Variants in MACROD1 observed in about 807,000 individuals in gnomAD.
MACROD1 encodes the protein mono-ADP ribosylhydrolase 1.
A neutral mutation model predicts 41.4 loss-of-function variants in MACROD1; 31 were observed. That is an observed-to-expected ratio of 0.75 (90% CI 0.56 to 1.01). The LOEUF (loss-of-function observed/expected upper bound fraction) is 1.01, where lower values mean the gene tolerates loss of function less well. Ranked by LOEUF, MACROD1 falls within the 50% of genes least tolerant of loss-of-function variation. The probability of loss-of-function intolerance (pLI) is 0.00; values close to 1 mark genes in which losing one functional copy is unlikely to be tolerated. For missense variants in MACROD1, 473 were observed against 460.0 expected, an observed-to-expected ratio of 1.03 and a Z score of -0.26; for synonymous variants, 252 against 203.4, an observed-to-expected ratio of 1.24 and a Z score of -2.03.
intron 3 of MACROD1, among the ~76,000 whole-genome samples, chr11:64,135,217 C>T (rs1283929200): frequency 6.6e-6 from 1 of 152,260 alleles, no homozygotes; most frequent in Non-Finnish European, 1.5e-5. Flanking sequence ...TGACTCTCGC[C>T]ATCCCAGGTC....
At chr11:64,157,931 C>T (rs941608360) in intron 1 of MACROD1, among the ~76,000 whole-genome samples, 9 of 152,136 alleles carry the variant, frequency 5.9e-5, no homozygotes, top group Non-Finnish European at 1.0e-4. Flanking sequence ...GCCCACAGCT[C>T]GAGCAAAAGG....
intron 1 of MACROD1, among the ~76,000 whole-genome samples, chr11:64,155,101 C>T (rs769619190): frequency 2.6e-5 from 4 of 152,188 alleles, no homozygotes; most frequent in Non-Finnish European, 4.4e-5. Flanking sequence ...CCACCTGGCA[C>T]GGTGTGTGGG....
chr11:64,120,771 G>A lies in MACROD1; in HGVS notation c.517+30468C>T, dbSNP rs549671407. ...GGCCCACCTGGGATGTCTGGGAGGAGAGCGTGCCCGAGGTGTGCCACGTTG... is the reference window on the plus strand; with the variant it reads ...GGCCCACCTGGGATGTCTGGGAGGAAAGCGTGCCCGAGGTGTGCCACGTTG... On this transcript the variant is annotated intron_variant, in intron 3 of 10. Coordinates refer to ENST00000255681, the MANE Select transcript of MACROD1 (RefSeq NM_014067.4). The surrounding 1 kb of genome is among the most constrained non-coding windows in gnomAD (Gnocchi z 4.5). Among the ~76,000 whole-genome samples, 13 of 152,146 alleles carry A rather than the reference G, an allele frequency of 8.5e-5. No homozygotes were observed. The highest frequency in any genetic ancestry group is 1.2e-4 in the Non-Finnish European group (8 of 68,010).
At chr11:64,093,246 A>C (rs12286180) in intron 3 of MACROD1, among the ~76,000 whole-genome samples, 29,948 of 152,188 alleles carry the variant, frequency 0.2, 3,965 homozygotes, top group African/African-American at 0.33. Context: ...TATTATTATT[A>C]TCCACATCAA....
chr11:64,080,891 C>T (rs1944290852), intron 3 of MACROD1, among the ~76,000 whole-genome samples: 1 of 152,180 alleles, frequency 6.6e-6, no homozygotes, highest in South Asian at 2.1e-4. Context: ...GCACTGAGGA[C>T]TCGGGCTGCA....
Position 64,143,801 on chromosome 11 carries a change from C to CACACAA in MACROD1, c.517+7437_517+7438insTTGTGT, listed in dbSNP as rs762084927. Among the ~76,000 whole-genome samples, 382 of 144,950 alleles carry CACACAA rather than the reference C, an allele frequency of 2.6e-3. 1 individual carries two copies. The highest frequency in any genetic ancestry group is 3.9e-3 in the Non-Finnish European group (255 of 64,880). On this transcript the variant is annotated intron_variant, in intron 3 of 10. Transcript: ENST00000255681. ...ACACACACACACACACACACACACA[C>CACACAA]AATTTCCTGGGGGCTCTGGAGCTCG...
In MACROD1 at chr11:64,151,269, TG is replaced by T; in HGVS notation, c.486del (p.Lys163SerfsTer86). On this transcript the variant is annotated frameshift_variant, in exon 3 of 11. Coordinates refer to ENST00000255681, the MANE Select transcript of MACROD1 (RefSeq NM_014067.4). LOFTEE classifies it high-confidence loss of function. ...TTGACGATGGCGTCCACCTCCAGCTTGGTGATGTCGCTGCGGAGCAGGGAGA... is the reference window on the plus strand; with the variant it reads ...TTGACGATGGCGTCCACCTCCAGCTTGTGATGTCGCTGCGGAGCAGGGAGA... Reference protein sequence around the residue: ...EKISLLRSDITKLEVDAIVNA... With the variant: ...EKISLLRSDIXKLEVDAIVNA... 1.2e-6 allele frequency: 2 copies of T among 1,613,864 alleles called. No homozygotes were observed. Among genetic ancestry groups the T allele is most frequent in the Non-Finnish European group, 1.7e-6 (2 of 1,180,012 alleles).
intron 3 of MACROD1, among the ~76,000 whole-genome samples, chr11:64,075,879 GGTCA>G (rs1007558804): frequency 1.3e-5 from 2 of 152,162 alleles, no homozygotes; most frequent in South Asian, 4.1e-4. Context: ...TCACCATGTT[GGTCA>G]GGCTGGTCTC....
At chr11:64,073,057 C>CGGCA (rs1325754602) in intron 3 of MACROD1, among the ~76,000 whole-genome samples, 1 of 152,196 alleles carries the variant, frequency 6.6e-6, no homozygotes, top group African/African-American at 2.4e-5. Context: ...CAGCTCCTGA[C>CGGCA]GGCACAGAGC....
chr11:64,069,042 G>A (rs1944056987), intron 3 of MACROD1, among the ~76,000 whole-genome samples: 1 of 152,194 alleles, frequency 6.6e-6, no homozygotes, highest in Non-Finnish European at 1.5e-5. Flanking sequence ...GATTCCTCCG[G>A]GGGCAGTGGC....
rs1945840244 is a variant in MACROD1, at chr11:64,166,034, CTATT to C, written c.-44_-41del. The C allele has an allele frequency of 2.4e-6, 3 of 1,246,512 alleles. No homozygotes were observed. Among genetic ancestry groups the C allele is most frequent in the South Asian group, 7.2e-5 (2 of 27,794 alleles). The allele number at this position is 1,246,512 out of a possible 1,614,324, so 77.2% of individuals were successfully genotyped here. ...GGACGGCTCTCCGCCCACTTGGACTCTATTTACGGCGCTCGGGAGTGTCTCTCCC... is the reference window on the plus strand; with the variant it reads ...GGACGGCTCTCCGCCCACTTGGACTCTACGGCGCTCGGGAGTGTCTCTCCC... On this transcript the variant is annotated 5_prime_UTR_variant, in exon 1 of 11. Transcript: ENST00000255681.
At chr11:64,155,117 G>T (rs145143487) in intron 1 of MACROD1, among the ~76,000 whole-genome samples, 1 of 152,364 alleles carries the variant, frequency 6.6e-6, no homozygotes, top group East Asian at 1.9e-4. Flanking sequence ...GTGGGCACCT[G>T]AGGGTGCCTG....
intron 3 of MACROD1, chr11:64,138,428 A>T: frequency 1.2e-6 from 1 of 809,620 alleles, no homozygotes; most frequent in Non-Finnish European, 1.5e-6. Flanking sequence ...CACAAATGTC[A>T]ATTCTGGGCC....
At chr11:64,035,622 G>A (rs1202133516) in intron 3 of MACROD1, among the ~76,000 whole-genome samples, 4 of 149,424 alleles carry the variant, frequency 2.7e-5, no homozygotes, top group Admixed American at 1.3e-4. Flanking sequence ...GGGCGCGGAG[G>A]CCGCTTCTCC....
intron 3 of MACROD1, among the ~76,000 whole-genome samples, chr11:64,127,606 C>T (rs1181308332): frequency 2.0e-5 from 3 of 152,258 alleles, no homozygotes; most frequent in Non-Finnish European, 4.4e-5. Context: ...CACCCACAGG[C>T]CCCAGAGGTC....
intron 3 of MACROD1, among the ~76,000 whole-genome samples, chr11:64,030,763 G>C (rs1239631492): frequency 1.3e-5 from 2 of 152,032 alleles, no homozygotes; most frequent in Non-Finnish European, 2.9e-5. Context: ...GGGAAGGTGG[G>C]GTTAGAAGCT....
At chr11:64,162,734 G>A (rs978524215) in intron 1 of MACROD1, among the ~76,000 whole-genome samples, 1 of 151,818 alleles carries the variant, frequency 6.6e-6, no homozygotes, top group Non-Finnish European at 1.5e-5. Flanking sequence ...AGAATGGCAT[G>A]AACCCAGGAG....
chr11:64,000,051 C>A, intron 5 of MACROD1, 176 bp downstream of exon 5: 1 of 636,918 alleles, frequency 1.6e-6, no homozygotes, highest in Non-Finnish European at 2.7e-6. Flanking sequence ...CACGCACGGT[C>A]TCCCCCATGT....
chr11:64,104,930 C>A (rs185885242), intron 3 of MACROD1, among the ~76,000 whole-genome samples: 133 of 152,340 alleles, frequency 8.7e-4, no homozygotes, highest in African/African-American at 3.1e-3. Context: ...CCAGCAACCT[C>A]AAGCCTCTGT....
Sources: allele counts gnomAD v4.1 joint callset (sites outside exome capture counted in the v4.1 genomes callset), GRCh38; gene constraint gnomAD v4.1.1; non-coding constraint Gnocchi (gnomAD v3.1); transcripts MANE v1.5; gene names NCBI Gene and HGNC (gene_info 2026-07-23, HGNC 2026-07-21).